The following PPP1R9A variants were observed in gnomAD, a reference collection of about 807,000 sequenced individuals.
PPP1R9A encodes the protein neurabin-1.
PPP1R9A carries 59 observed loss-of-function variants against 141.9 expected under a neutral mutation model. The observed-to-expected ratio is 0.42, with a 90% CI of 0.34 to 0.52. PPP1R9A has a LOEUF of 0.52. PPP1R9A is among the 20% of genes least tolerant of loss of function. The pLI is 0.10. For missense variants in PPP1R9A, 1,444 were observed against 1,611.9 expected (o/e 0.90, Z 1.78); for synonymous variants, 500 against 569.7 (o/e 0.88, Z 1.74).
intron 8 of PPP1R9A, among the ~76,000 whole-genome samples, chr7:95,234,644 C>G (rs1341544254): frequency 1.3e-5 from 2 of 152,038 alleles, no homozygotes; most frequent in African/African-American, 4.8e-5. Context: ...CATAAAAATA[C>G]CACCATCATT....
intron 2 of PPP1R9A, among the ~76,000 whole-genome samples, chr7:95,109,136 G>C (rs2152435372): frequency 6.6e-6 from 1 of 152,260 alleles, no homozygotes; most frequent in Middle Eastern, 3.4e-3. Flanking sequence ...ATGTGTATGT[G>C]TGTGTATATA....
At chr7:95,266,654 C>A (rs1801337809) in intron 12 of PPP1R9A, among the ~76,000 whole-genome samples, 1 of 152,064 alleles carries the variant, frequency 6.6e-6, no homozygotes, top group African/African-American at 2.4e-5. Flanking sequence ...CCTCATGGGG[C>A]TGTTGTAAGG....
chr7:95,179,777 GCA>G (rs1833450924), intron 5 of PPP1R9A, among the ~76,000 whole-genome samples: 1 of 30,492 alleles, frequency 3.3e-5, no homozygotes. Context: ...TACAATAGCT[GCA>G]AAAAAAAAAA....
At chr7:95,159,939 A>AG (rs71127403) in intron 4 of PPP1R9A, among the ~76,000 whole-genome samples, 36,333 of 139,716 alleles carry the variant, frequency 0.26, 5,179 homozygotes, top group South Asian at 0.4. Flanking sequence ...AAAAAAAAAA[A>AG]AAAGAAAGAA....
At chr7:95,228,236 G>T (rs941986309) in intron 8 of PPP1R9A, among the ~76,000 whole-genome samples, 1 of 152,140 alleles carries the variant, frequency 6.6e-6, no homozygotes, top group Non-Finnish European at 1.5e-5. Flanking sequence ...GGCCTGTTTT[G>T]TATCTATCTT....
At chr7:94,978,243 G>A (rs1334299692) in intron 2 of PPP1R9A, among the ~76,000 whole-genome samples, 2 of 152,188 alleles carry the variant, frequency 1.3e-5, no homozygotes, top group African/African-American at 2.4e-5. Flanking sequence ...GAATAATCTA[G>A]GAGAGTAAAT....
Position 95,250,319 on chromosome 7 carries a change from T to G in PPP1R9A, c.2396+64T>G, listed in dbSNP as rs1321510264. On this transcript the variant is annotated intron_variant, in intron 10 of 19. Coordinates refer to ENST00000433360, the MANE Select transcript of PPP1R9A (RefSeq NM_001166160.2). ...TCTAAAGAAGGTTTATGTCCAATAATTTTGTAATATCTAGTGGAACAGAAA... is the reference window on the plus strand; with the variant it reads ...TCTAAAGAAGGTTTATGTCCAATAAGTTTGTAATATCTAGTGGAACAGAAA... The G allele has an allele frequency of 1.2e-5, 17 of 1,370,280 alleles. No individual in the cohort carries two copies. The East Asian group carries it at 2.8e-4, about 23-fold the overall frequency. 84.9% of individuals were successfully genotyped at this position (1,370,280 alleles called of 1,614,324 possible).
intron 4 of PPP1R9A, among the ~76,000 whole-genome samples, chr7:95,130,251 G>T (rs957325545): frequency 1.3e-5 from 2 of 152,144 alleles, no homozygotes; most frequent in Non-Finnish European, 2.9e-5. Flanking sequence ...TTCCAGCCTT[G>T]GCTGAAAGGG....
chr7:95,227,891 C>T (rs1055148479), intron 8 of PPP1R9A, among the ~76,000 whole-genome samples: 1 of 152,210 alleles, frequency 6.6e-6, no homozygotes, highest in Non-Finnish European at 1.5e-5. Flanking sequence ...TTTTGTTTTA[C>T]ATTTAACATT....
chr7:95,166,004 C>T (rs1350839367), intron 5 of PPP1R9A, among the ~76,000 whole-genome samples: 2 of 151,862 alleles, frequency 1.3e-5, no homozygotes, highest in Non-Finnish European at 2.9e-5. Context: ...ACAAAATTAG[C>T]CAGGTGTGGT....
At chr7:95,197,943 C>A (rs1836530671) in intron 5 of PPP1R9A, among the ~76,000 whole-genome samples, 1 of 152,070 alleles carries the variant, frequency 6.6e-6, no homozygotes, top group African/African-American at 2.4e-5. Flanking sequence ...GCCACTGAGC[C>A]CAGCCCTCAA....
chr7:95,008,475 C>T (rs1020864716), intron 2 of PPP1R9A, among the ~76,000 whole-genome samples: 1 of 152,182 alleles, frequency 6.6e-6, no homozygotes, highest in African/African-American at 2.4e-5. Flanking sequence ...GTTGCAGTAA[C>T]AAATCCACAC....
intron 2 of PPP1R9A, among the ~76,000 whole-genome samples, chr7:95,065,019 A>AAT (rs1188506345): frequency 1.3e-5 from 2 of 152,068 alleles, no homozygotes; most frequent in East Asian, 3.8e-4. Context: ...TGACCTGCCT[A>AAT]ATATGTTGTG....
In PPP1R9A at chr7:95,293,875, T is replaced by C. The variant is rs1001277709; in HGVS notation, c.*3572T>C. 1 of 152,256 alleles carries C rather than the reference T, an allele frequency of 6.6e-6. No homozygotes were observed. Among genetic ancestry groups the C allele is most frequent in the Non-Finnish European group, 1.5e-5 (1 of 68,038 alleles). The allele number at this position is 152,256 out of a possible 1,614,324, so 9.4% of individuals were successfully genotyped here. A position where few individuals can be genotyped will look rare whatever the true frequency, so the allele number is the denominator to read the frequency against. ...ATTCATGTTTAAGTGTTAAAGGTTA[T>C]GCAGACTAAACTTCAAGAGGAGATC... On this transcript the variant is annotated 3_prime_UTR_variant, in exon 20 of 20. Coordinates refer to ENST00000433360, the MANE Select transcript of PPP1R9A (RefSeq NM_001166160.2).
intron 4 of PPP1R9A, among the ~76,000 whole-genome samples, chr7:95,146,116 G>A (rs112693134): frequency 0.01 from 1,588 of 152,194 alleles, 25 homozygotes; most frequent in African/African-American, 0.037. Flanking sequence ...ATTCCCACCG[G>A]CAGTGTAAAA....
intron 2 of PPP1R9A, chr7:95,109,071 G>A (rs936004959): frequency 3.3e-5 from 5 of 152,122 alleles, no homozygotes; most frequent in Non-Finnish European, 7.4e-5. Context: ...TGCTTCTATA[G>A]GCATTTTCCA....
At chr7:94,959,337 A>G (rs1243216409) in intron 2 of PPP1R9A, among the ~76,000 whole-genome samples, 2 of 151,722 alleles carry the variant, frequency 1.3e-5, no homozygotes, top group Non-Finnish European at 3.0e-5. Context: ...GATTATTTTG[A>G]TTTTAAAAAT....
intron 12 of PPP1R9A, among the ~76,000 whole-genome samples, chr7:95,258,172 G>A (rs1375453437): frequency 2.0e-5 from 3 of 151,960 alleles, no homozygotes; most frequent in Non-Finnish European, 4.4e-5. Flanking sequence ...ATCCTCTCCA[G>A]CACCTGTTGT....
intron 12 of PPP1R9A, among the ~76,000 whole-genome samples, chr7:95,255,913 A>T (rs1306030879): frequency 6.6e-6 from 1 of 152,124 alleles, no homozygotes; most frequent in Non-Finnish European, 1.5e-5. Flanking sequence ...ACAGGAACTT[A>T]GTCACTTGTA....
Sources: gnomAD v4.1 joint callset for allele counts (sites outside exome capture counted in the v4.1 genomes callset) on GRCh38, gnomAD v4.1.1 for gene constraint, MANE v1.5 for transcripts, NCBI Gene and HGNC (gene_info 2026-07-23, HGNC 2026-07-21) for gene names.